Variants in TBC1D9 observed in about 807,000 individuals in gnomAD.
TBC1D9 encodes the protein TBC1 domain family member 9A.
In TBC1D9, 63 loss-of-function variants were observed where a neutral mutation model predicts 132.0. That is an observed-to-expected ratio of 0.48 (90% confidence interval 0.39 to 0.59). TBC1D9 has a LOEUF of 0.59. Ranked by LOEUF, TBC1D9 falls within the 20% of genes least tolerant of loss-of-function variation. TBC1D9 has a pLI of 0.00. For synonymous variants in TBC1D9, 610 were observed against 609.9 expected (o/e 1.00, Z 0.00); for missense variants, 1,261 against 1,592.7 (o/e 0.79, Z 3.54).
chr4:140,705,123 A>C (rs1301378780), intron 1 of TBC1D9, among the ~76,000 whole-genome samples: 2 of 152,224 alleles, frequency 1.3e-5, no homozygotes, highest in Non-Finnish European at 2.9e-5. Flanking sequence ...GCAGTTGGCC[A>C]GTCAAATCAA....
chr4:140,679,378 C>A lies in TBC1D9; in HGVS notation c.590-175G>T, dbSNP rs376203562. Among the ~76,000 whole-genome samples, 22 of 152,178 alleles carry A rather than the reference C, an allele frequency of 1.4e-4. No individual in the cohort carries two copies. In the East Asian group the frequency reaches 2.3e-3, roughly 16 times the overall value. ...ATCTGGGCCATGTGAATTCTGAGGT[C>A]AGAATTATAGATTTAATCCATGTCT... On this transcript the variant is annotated intron_variant, in intron 4 of 20. Coordinates refer to ENST00000442267, the MANE Select transcript of TBC1D9 (RefSeq NM_015130.3).
intron 1 of TBC1D9, among the ~76,000 whole-genome samples, chr4:140,705,996 C>G (rs865889918): frequency 2.0e-5 from 3 of 152,170 alleles, no homozygotes; most frequent in Admixed American, 6.5e-5. Context: ...CAAAATTGTT[C>G]CATATTTGCT....
rs117543621 is a variant in TBC1D9, at chr4:140,753,624, G to A, written c.130+2292C>T. ...GCCTTACACCAGTTCAAATAACCAT[G>A]CCTCTATTTTTCGAAGTTGTCTTTT... On this transcript the variant is annotated intron_variant, in intron 1 of 20. Coordinates refer to ENST00000442267, the MANE Select transcript of TBC1D9 (RefSeq NM_015130.3). 2.6e-5 allele frequency among the ~76,000 whole-genome samples: 4 copies of A among 152,294 alleles called. No individual in the cohort carries two copies. In the East Asian group the frequency reaches 7.7e-4, roughly 29 times the overall value.
rs147662840 is a variant in TBC1D9 at position 140,731,360 on chromosome 4, T to C, written c.130+24556A>G. Among the ~76,000 whole-genome samples, 1,005 of 152,216 alleles carry C rather than the reference T, an allele frequency of 6.6e-3. 5 individuals are homozygous for C. The highest frequency in any genetic ancestry group is 0.023 in the African/African-American group (940 of 41,526). The stretch of plus-strand genomic sequence containing the variant: ...CACTAATTATTATGTGGAGTCTCAC[T>C]GCCCAAATCCAGAAATTGTCTCCTG... On this transcript the variant is annotated intron_variant, in intron 1 of 20. Transcript: ENST00000442267.
chr4:140,652,900 A>T (rs1737208884), intron 13 of TBC1D9, among the ~76,000 whole-genome samples: 1 of 152,156 alleles, frequency 6.6e-6, no homozygotes, highest in African/African-American at 2.4e-5. Flanking sequence ...CAGACTAAAC[A>T]CACTGGGCTG....
At chr4:140,674,862 C>T (rs557014062) in intron 6 of TBC1D9, among the ~76,000 whole-genome samples, 96 of 151,902 alleles carry the variant, frequency 6.3e-4, no homozygotes, top group African/African-American at 2.2e-3. Context: ...CCATCCCCAG[C>T]TAATTTTTTT....
intron 1 of TBC1D9, among the ~76,000 whole-genome samples, chr4:140,741,759 C>T (rs1018887796): frequency 3.9e-5 from 6 of 152,138 alleles, no homozygotes; most frequent in African/African-American, 7.2e-5. Flanking sequence ...CCATCTTTCT[C>T]GCTAAAGCCT....
rs575030607 is a variant in TBC1D9, at chr4:140,641,306, G to A, written c.2338-1878C>T. Among the ~76,000 whole-genome samples, 6 of 152,258 alleles carry A rather than the reference G, an allele frequency of 3.9e-5. No homozygotes were observed. In the East Asian group the frequency reaches 1.2e-3, roughly 29 times the overall value. ...TTTTGATCTGAGTAAACAGTTACAT[G>A]AGTGTATTAAAACAGAGGCTTTAAA... On this transcript the variant is annotated intron_variant, in intron 13 of 20. Coordinates refer to ENST00000442267, the MANE Select transcript of TBC1D9 (RefSeq NM_015130.3).
intron 1 of TBC1D9, 77 bp downstream of exon 1, chr4:140,755,839 G>C (rs191555466): frequency 2.6e-5 from 34 of 1,299,342 alleles, no homozygotes; most frequent in Middle Eastern, 2.5e-4. Context: ...GGCGTCTCCC[G>C]AGCCTGCAGC....
intron 1 of TBC1D9, among the ~76,000 whole-genome samples, chr4:140,713,466 G>A (rs919130540): frequency 1.3e-5 from 2 of 152,120 alleles, no homozygotes; most frequent in Non-Finnish European, 2.9e-5. Flanking sequence ...TTTTAGGCCA[G>A]GTACAGTGGA....
intron 1 of TBC1D9, among the ~76,000 whole-genome samples, chr4:140,707,984 A>C (rs1484998525): frequency 6.6e-6 from 1 of 152,172 alleles, no homozygotes; most frequent in Non-Finnish European, 1.5e-5. Flanking sequence ...TTCAAAAAAA[A>C]AAAGTATGGT....
intron 10 of TBC1D9, among the ~76,000 whole-genome samples, chr4:140,661,526 A>G (rs1737361356): frequency 6.6e-6 from 1 of 152,170 alleles, no homozygotes; most frequent in Admixed American, 6.5e-5. Flanking sequence ...GATCTTCTCC[A>G]GGTCACCTAG....
rs374430172 is a variant in TBC1D9, at chr4:140,673,903, C to T, written c.1060-2977G>A. Among the ~76,000 whole-genome samples, 33 of 152,286 alleles carry T rather than the reference C, an allele frequency of 2.2e-4. No homozygotes were observed. In the East Asian group the frequency reaches 2.3e-3, roughly 11 times the overall value. ...AACAGAGCTAGTTGGCTCTAACACC[C>T]GGGAGGGGGAAGCCAGAAGGACCAG... On this transcript the variant is annotated intron_variant, in intron 6 of 20. Transcript: ENST00000442267.
chr4:140,740,111 TAA>T (rs1174133054), intron 1 of TBC1D9, among the ~76,000 whole-genome samples: 4 of 152,244 alleles, frequency 2.6e-5, no homozygotes, highest in Admixed American at 2.0e-4. Context: ...AGATATAAAG[TAA>T]AAGAGTTGAT....
In TBC1D9 at chr4:140,756,025, C is replaced by A; in HGVS notation, c.21G>T (p.Glu7Asp). The change falls in exon 1 of 21, where the codon GAG becomes GAT. Residue 7 changes from glutamate to aspartate, a missense_variant. Around this residue, in one of 3 missense-constraint regions of TBC1D9, gnomAD observed 550 missense variants for 699.0 expected, o/e 0.79. Transcript: ENST00000442267. This position sits in a 1 kb window ranked among gnomAD's most constrained non-coding sequence, Gnocchi z 5.6. ...TCCACAGCGCGTTGGCCAGCAACAC[C>A]TCCTCCGGGTTCACCCACATGGTCC... Reference protein sequence around the residue: MWVNPEEVLLANALWIT... With the variant: MWVNPEDVLLANALWIT... The A allele has an allele frequency of 6.2e-7, 1 of 1,609,784 alleles. No individual in the cohort carries two copies. Among genetic ancestry groups the A allele is most frequent in the Non-Finnish European group, 8.5e-7 (1 of 1,177,696 alleles).
In TBC1D9 at chr4:140,670,972, C is replaced by G. The variant is rs190982021; in HGVS notation, c.1060-46G>C. On this transcript the variant is annotated intron_variant, in intron 6 of 20. Transcript: ENST00000442267. ...AAGAGCATTATTTTCCAAGAATTAC[C>G]CAATAGCAGCCTATATGCAGCACTA... is the stretch of plus-strand genomic sequence containing the variant. 6.9e-4 allele frequency: 1,057 copies of G among 1,527,374 alleles called. 7 individuals are homozygous for G. The African/African-American group carries it at 0.013, about 19-fold the overall frequency. 94.6% of individuals were successfully genotyped at this position (1,527,374 alleles called of 1,614,324 possible).
intron 1 of TBC1D9, among the ~76,000 whole-genome samples, chr4:140,734,529 C>G (rs982306034): frequency 4.6e-5 from 7 of 152,200 alleles, no homozygotes; most frequent in African/African-American, 1.7e-4. Context: ...CGGTGGCTCA[C>G]TCCTATAATC....
intron 1 of TBC1D9, among the ~76,000 whole-genome samples, chr4:140,744,808 G>A (rs1044175458): frequency 6.7e-6 from 1 of 150,040 alleles, no homozygotes; most frequent in Non-Finnish European, 1.5e-5. Flanking sequence ...GCTTGAACCT[G>A]GGAGATAGAG....
At chr4:140,643,607 C>A (rs544963674) in intron 13 of TBC1D9, 1 of 938,354 alleles carries the variant, frequency 1.1e-6, no homozygotes, top group Non-Finnish European at 1.6e-6. Context: ...CTTCCTCCGG[C>A]GCTGCCTCTG....
Sources: allele counts gnomAD v4.1 joint callset (sites outside exome capture counted in the v4.1 genomes callset), GRCh38; gene constraint gnomAD v4.1.1; regional missense constraint gnomAD v4.1.1; non-coding constraint Gnocchi (gnomAD v3.1); transcripts MANE v1.5; gene names NCBI Gene and HGNC (gene_info 2026-07-23, HGNC 2026-07-21).